Variants in RAB3B observed in about 807,000 individuals in gnomAD.
RAB3B encodes the protein ras-related protein Rab-3B.
A neutral mutation model predicts 20.5 loss-of-function variants in RAB3B; 11 were observed. The ratio of observed to expected loss-of-function variants is 0.54; its 90% CI spans 0.34 to 0.89. The LOEUF (loss-of-function observed/expected upper bound fraction) is 0.89. Ranked by LOEUF, RAB3B falls within the 40% of genes least tolerant of loss-of-function variation. The pLI, the probability that RAB3B is intolerant of heterozygous loss-of-function variation, is 0.02. For synonymous variants in RAB3B, 99 were observed against 106.3 expected (o/e 0.93, Z 0.42); for missense variants, 225 against 280.9 (o/e 0.80, Z 1.42).
intron 2 of RAB3B, among the ~76,000 whole-genome samples, chr1:51,968,794 T>C (rs1250041173): frequency 6.6e-6 from 1 of 152,234 alleles, no homozygotes; most frequent in African/African-American, 2.4e-5. Context: ...AGATGACTGA[T>C]AAGCGAACCT....
In RAB3B at chr1:51,933,594, G is replaced by A. The variant is rs564913784; in HGVS notation, c.348-152C>T. On this transcript the variant is annotated intron_variant, in intron 3 of 4. Transcript: ENST00000371655. ...GGATGTAATTATGTCAATGAGGCTA[G>A]AGTCCTAATAAATGTGTCCATATAA... 7.9e-5 allele frequency: 54 copies of A among 683,478 alleles called. No individual in the cohort carries two copies. The South Asian group carries it at 1.0e-3, about 13-fold the overall frequency. 42.3% of individuals were successfully genotyped at this position (683,478 alleles called of 1,614,324 possible).
Position 51,912,856 on chromosome 1 carries a change from G to A in RAB3B, c.*7071C>T, listed in dbSNP as rs572363430. 11 of 152,188 alleles carry A rather than the reference G, an allele frequency of 7.2e-5. No homozygotes were observed. Among genetic ancestry groups the A allele is most frequent in the African/African-American group, 2.6e-4 (11 of 41,518 alleles). The allele number at this position is 152,188 out of a possible 1,614,324, so 9.4% of individuals were successfully genotyped here. ...AAAGAATTAAGGATGAGTTTTCTGT[G>A]AAGACTGGGGTTCAAACAAGTTTGG... On this transcript the variant is annotated 3_prime_UTR_variant, in exon 5 of 5. Transcript: ENST00000371655.
At chr1:51,942,707 C>T (rs1280765263) in intron 2 of RAB3B, among the ~76,000 whole-genome samples, 1 of 152,130 alleles carries the variant, frequency 6.6e-6, no homozygotes, top group Non-Finnish European at 1.5e-5. Flanking sequence ...TTTTATTGCA[C>T]TTCAACTTAT....
At chr1:51,965,475 C>T (rs180919985) in intron 2 of RAB3B, among the ~76,000 whole-genome samples, 3,955 of 152,034 alleles carry the variant, frequency 0.026, 85 homozygotes, top group Non-Finnish European at 0.042. Context: ...GGCAAAACCC[C>T]GTCTCTACTA....
intron 2 of RAB3B, among the ~76,000 whole-genome samples, chr1:51,942,934 CT>C (rs1349801478): frequency 6.6e-6 from 1 of 152,010 alleles, no homozygotes; most frequent in Admixed American, 6.6e-5. Context: ...ATTGTAATTG[CT>C]TTGGGGTGCC....
intron 2 of RAB3B, among the ~76,000 whole-genome samples, chr1:51,966,781 A>G (rs1432356715): frequency 6.6e-6 from 1 of 152,076 alleles, no homozygotes; most frequent in Non-Finnish European, 1.5e-5. Context: ...GTACTCAGGA[A>G]CTGTCTTCAC....
intron 1 of RAB3B, among the ~76,000 whole-genome samples, chr1:51,987,432 G>A (rs1685166975): frequency 6.6e-6 from 1 of 152,092 alleles, no homozygotes. Flanking sequence ...CAAAACTGTT[G>A]CAAGAATTAA....
intron 2 of RAB3B, among the ~76,000 whole-genome samples, chr1:51,954,787 T>C (rs768388272): frequency 1.3e-5 from 2 of 152,244 alleles, no homozygotes; most frequent in Non-Finnish European, 2.9e-5. Flanking sequence ...GTCCACTTTT[T>C]CACATTTTAA....
At chr1:51,933,768 G>C (rs1470971114) in intron 3 of RAB3B, among the ~76,000 whole-genome samples, 1 of 152,184 alleles carries the variant, frequency 6.6e-6, no homozygotes, top group Admixed American at 6.5e-5. Context: ...CGTTATTTAA[G>C]CTACCAAGTC....
rs765538402 is a variant in RAB3B, at chr1:51,976,947, G to A, written c.171C>T (p.Ile57=). ...GGTAGACTGTCTTCACCTTGAAGTC[G>A]ATGCCCACGGTGCTAACGAAGGCTG... ...FTPAFVSTVG[I]DFKVKTVYRH... The change falls in exon 2 of 5, where the codon ATC becomes ATT. Residue 57 remains isoleucine (I), a synonymous_variant. Coordinates refer to ENST00000371655, the MANE Select transcript of RAB3B (RefSeq NM_002867.4). 8.7e-6 allele frequency: 14 copies of A among 1,614,186 alleles called. No individual in the cohort carries two copies. Among genetic ancestry groups the A allele is most frequent in the East Asian group, 2.2e-5 (1 of 44,878 alleles).
chr1:51,939,273 T>C (rs1439600243), intron 2 of RAB3B, among the ~76,000 whole-genome samples: 1 of 152,222 alleles, frequency 6.6e-6, no homozygotes, highest in Non-Finnish European at 1.5e-5. Flanking sequence ...ATATATTACC[T>C]CATTTAAATT....
chr1:51,912,542 TAAAA>T lies in RAB3B; in HGVS notation c.*7381_*7384del, dbSNP rs61590258. The T allele has an allele frequency of 0.012, 79 of 6,386 alleles. 2 individuals are homozygous for T. The highest frequency in any genetic ancestry group is 0.016 in the Non-Finnish European group (68 of 4,310). The allele number at this position is 6,386 out of a possible 1,614,324, so 0.4% of individuals were successfully genotyped here. On this transcript the variant is annotated 3_prime_UTR_variant, in exon 5 of 5. Transcript: ENST00000371655. ...GGCAACATAGCAAGACCGTCTCTAT[TAAAA>T]AAAAAAAAATATATATATATATATA...
In RAB3B at chr1:51,920,106, AATCAAACCCTGGAAAGAGG is replaced by A; in HGVS notation, c.473-11_480del. ...TTCTCCTTTGCACTGGCTTCAAAGAAATCAAACCCTGGAAAGAGGAGAGATACAGATAAGGACTTTTCCC... is the reference window on the plus strand; with the variant it reads ...TTCTCCTTTGCACTGGCTTCAAAGAAAGAGATACAGATAAGGACTTTTCCC... On this transcript the variant is annotated splice_acceptor_variant and splice_polypyrimidine_tract_variant and coding_sequence_variant and intron_variant, in exon 5 of 5. Coordinates refer to ENST00000371655, the MANE Select transcript of RAB3B (RefSeq NM_002867.4). LOFTEE classifies it high-confidence loss of function. 6.2e-7 allele frequency: 1 copy of A among 1,608,052 alleles called. No individual in the cohort carries two copies. The highest frequency in any genetic ancestry group is 1.1e-5 in the South Asian group (1 of 90,712).
Position 51,908,347 on chromosome 1 carries a change from T to C in RAB3B, c.*11580A>G, listed in dbSNP as rs1683948280. On this transcript the variant is annotated 3_prime_UTR_variant, in exon 5 of 5. Transcript: ENST00000371655. ...GCTAATTGTTCCTCCTGAGGAATTC[T>C]GCTCATACTGCTATGGTACATCTCC... 6.6e-6 allele frequency: 1 copy of C among 152,150 alleles called. No individual in the cohort carries two copies. Among genetic ancestry groups the C allele is most frequent in the Non-Finnish European group, 1.5e-5 (1 of 68,038 alleles). 9.4% of individuals were successfully genotyped at this position (152,150 alleles called of 1,614,324 possible).
At position 51,910,986 on chromosome 1, in the gene RAB3B, C is replaced by T. The variant is rs1683989832; in HGVS notation, c.*8941G>A. 1 of 152,164 alleles carries T rather than the reference C, an allele frequency of 6.6e-6. No individual in the cohort carries two copies. Among genetic ancestry groups the T allele is most frequent in the Non-Finnish European group, 1.5e-5 (1 of 68,042 alleles). 9.4% of individuals were successfully genotyped at this position (152,164 alleles called of 1,614,324 possible). On this transcript the variant is annotated 3_prime_UTR_variant, in exon 5 of 5. Transcript: ENST00000371655. ...TATTTAAGCGTTTGCTATTTGGCCA[C>T]TTAAAAAAGACAGAAGAGAAGTAAA...
chr1:51,937,996 CTTTTTT>C (rs77664152), intron 2 of RAB3B, among the ~76,000 whole-genome samples: 59 of 88,728 alleles, frequency 6.6e-4, no homozygotes, highest in Non-Finnish European at 1.0e-3. Context: ...ATTTTTGTTT[CTTTTTT>C]TTTTTTTTTT....
At chr1:51,926,923 A>T (rs1684252387) in intron 4 of RAB3B, among the ~76,000 whole-genome samples, 1 of 152,200 alleles carries the variant, frequency 6.6e-6, no homozygotes, top group African/African-American at 2.4e-5. Context: ...GGTTTACTGT[A>T]CTGGTGATAA....
At chr1:51,944,954 C>T (rs577983158) in intron 2 of RAB3B, among the ~76,000 whole-genome samples, 1 of 152,270 alleles carries the variant, frequency 6.6e-6, no homozygotes, top group East Asian at 1.9e-4. Flanking sequence ...ACAGCATCAC[C>T]ATGCAACAGA....
At chr1:51,986,146 ATTTT>A (rs11308826) in intron 1 of RAB3B, among the ~76,000 whole-genome samples, 28 of 89,300 alleles carry the variant, frequency 3.1e-4, no homozygotes, top group Admixed American at 5.0e-4. Context: ...ATTTCTACGA[ATTTT>A]TTTTTTTTTT....
Sources: gnomAD v4.1 joint callset for allele counts (sites outside exome capture counted in the v4.1 genomes callset) on GRCh38, gnomAD v4.1.1 for gene constraint, MANE v1.5 for transcripts, NCBI Gene and HGNC (gene_info 2026-07-23, HGNC 2026-07-21) for gene names.